Variants in A2ML1 observed in about 807,000 individuals in gnomAD.
A2ML1 encodes the protein alpha-2-macroglobulin-like protein 1.
A neutral mutation model predicts 181.9 loss-of-function variants in A2ML1; 161 were observed. The ratio of observed to expected loss-of-function variants is 0.89; its 90% CI spans 0.78 to 1.01. The LOEUF is 1.01. Among genes scored for constraint, A2ML1 ranks in the 50% least tolerant of loss-of-function variants. A2ML1 has a pLI of 0.00. For missense variants in A2ML1, 1,670 were observed against 1,768.1 expected (o/e 0.94, Z 1.00); for synonymous variants, 663 against 666.8 (o/e 0.99, Z 0.09).
chr12:8,825,133 T>C (rs1942887619), intron 3 of A2ML1, among the ~76,000 whole-genome samples: 1 of 152,202 alleles, frequency 6.6e-6, no homozygotes, highest in African/African-American at 2.4e-5. Context: ...CAGGATTATA[T>C]GGAAGCTCTA....
chr12:8,854,161 T>C lies in A2ML1; in HGVS notation c.2624T>C (p.Leu875Pro), dbSNP rs1291159823. 6.2e-7 allele frequency: 1 copy of C among 1,605,062 alleles called. No individual in the cohort carries two copies. Among genetic ancestry groups the C allele is most frequent in the East Asian group, 2.2e-5 (1 of 44,616 alleles). The change falls in exon 21 of 36, where the codon CTG becomes CCG. Residue 875 changes from leucine (L) to proline (P), a missense_variant. Transcript: ENST00000299698. ...AACTTTACTATTAGTACAAAGATTC[T>C]GGACAGCAATGAACCATGTGGGGGC... ...HINFTISTKI[L>P]DSNEPCGGQK...
In A2ML1 at chr12:8,850,209, A is replaced by G. The variant is rs945839715; in HGVS notation, c.2169A>G (p.Gln723=). Residue 723 remains glutamine, a synonymous_variant, in exon 18 of 36, where the codon CAA becomes CAG. Transcript: ENST00000299698. ...EAFESSTPLH[Q]AEDSQVRQYF... is the part of the protein sequence containing the mutation. ...TTGAGTCATCAACTCCTTTACATCA[A>G]GCAGAGGATTCTCAGGTCCGCCAGT... The G allele has an allele frequency of 6.2e-7, 1 of 1,613,560 alleles. No homozygotes were observed. The highest frequency in any genetic ancestry group is 1.3e-5 in the African/African-American group (1 of 74,982).
intron 4 of A2ML1, among the ~76,000 whole-genome samples, chr12:8,832,608 T>G (rs1226861295): frequency 6.6e-6 from 1 of 152,126 alleles, no homozygotes; most frequent in African/African-American, 2.4e-5. Flanking sequence ...TCAGTTATAA[T>G]TTTGCAAAGG....
intron 3 of A2ML1, among the ~76,000 whole-genome samples, chr12:8,824,787 C>T (rs771368181): frequency 1.4e-4 from 21 of 151,960 alleles, no homozygotes; most frequent in African/African-American, 4.4e-4. Flanking sequence ...TCTATCTCCA[C>T]GACTTCAATT....
At chr12:8,838,514 G>A in intron 9 of A2ML1, 64 bp downstream of exon 9, 1 of 1,303,832 alleles carries the variant, frequency 7.7e-7, no homozygotes, top group South Asian at 1.3e-5. Context: ...CCCAGGGACA[G>A]ATTTACTCCA....
Position 8,835,699 on chromosome 12 carries a change from G to T in A2ML1, c.643+33G>T, listed in dbSNP as rs1489096738. ...GGGAAATGGACAGGCCAAAGTATTGGGCATAATCTCATCTTAAAATCAGCA... is the reference window on the plus strand; with the variant it reads ...GGGAAATGGACAGGCCAAAGTATTGTGCATAATCTCATCTTAAAATCAGCA... On this transcript the variant is annotated intron_variant, in intron 6 of 35. Transcript: ENST00000299698. The T allele has an allele frequency of 6.2e-6, 10 of 1,610,750 alleles. No homozygotes were observed. The East Asian group carries it at 1.8e-4, about 29-fold the overall frequency.
Position 8,868,544 on chromosome 12 carries a change from G to A in A2ML1, c.4069G>A (p.Gly1357Arg), listed in dbSNP as rs1441473451. 1.9e-6 allele frequency: 3 copies of A among 1,613,822 alleles called. No individual in the cohort carries two copies. The highest frequency in any genetic ancestry group is 2.2e-5 in the South Asian group (2 of 91,044). ...LTLTIHTSYV[G>R]SRSSSNMAIV... is the part of the protein sequence containing the mutation. The stretch of plus-strand genomic sequence containing the variant: ...TCTTCTTCCTGCTCTCAGTTATGTG[G>A]GGAGCCGTAGCTCTTCCAATATGGC... The change falls in exon 32 of 36, where the codon GGG becomes AGG. Residue 1357 changes from glycine (G) to arginine (R), a missense_variant. Gly to Arg is a moderately radical substitution (Grantham distance 125, BLOSUM62 -2). Coordinates refer to ENST00000299698, the MANE Select transcript of A2ML1 (RefSeq NM_144670.6).
At chr12:8,884,224 A>ATTTTTTTTTT (rs202171810) in intron 7 of A2ML1, among the ~76,000 whole-genome samples, 1 of 93,762 alleles carries the variant, frequency 1.1e-5, no homozygotes, top group Admixed American at 1.0e-4. Flanking sequence ...TCTTTTTTTT[A>ATTTTTTTTTT]TTTTTTGTTT....
rs750011292 is a variant in A2ML1 at position 8,851,955 on chromosome 12, T to C, written c.2406T>C (p.Arg802=). The change falls in exon 19 of 36, where the codon CGT becomes CGC. Residue 802 remains arginine (R), a synonymous_variant. Coordinates refer to ENST00000299698, the MANE Select transcript of A2ML1 (RefSeq NM_144670.6). ...TGACTCTCCCTTACTCAGTAGTCCG[T>C]GGGGAATCCTTTCGTCTTACTGCCA... The part of the protein sequence containing the change: ...VDLTLPYSVV[R]GESFRLTATI... The C allele has an allele frequency of 5.6e-6, 9 of 1,614,192 alleles. No individual in the cohort carries two copies. Among genetic ancestry groups the C allele is most frequent in the Non-Finnish European group, 7.6e-6 (9 of 1,180,030 alleles).
intron 18 of A2ML1, among the ~76,000 whole-genome samples, chr12:8,851,280 G>T (rs770531251): frequency 6.6e-6 from 1 of 151,814 alleles, no homozygotes; most frequent in African/African-American, 2.4e-5. Context: ...TGCCCACCCC[G>T]ACTCCCCACC....
chr12:8,880,155 G>C (rs1336222860), downstream of A2ML1, among the ~76,000 whole-genome samples: 1 of 152,146 alleles, frequency 6.6e-6, no homozygotes, highest in Non-Finnish European at 1.5e-5. Context: ...CCTGAGATCA[G>C]GAGTTCGAGA....
At chr12:8,850,783 G>A (rs373339343) in intron 18 of A2ML1, among the ~76,000 whole-genome samples, 2 of 152,022 alleles carry the variant, frequency 1.3e-5, no homozygotes, top group East Asian at 1.9e-4. Context: ...TGTCACCCAG[G>A]CTGGAGTGCA....
At chr12:8,840,047 A>G (rs1355059332) in intron 10 of A2ML1, among the ~76,000 whole-genome samples, 2 of 152,098 alleles carry the variant, frequency 1.3e-5, no homozygotes, top group African/African-American at 4.8e-5. Flanking sequence ...GTGCCTGACT[A>G]GCAATTTTCT....
At chr12:8,872,323 T>G (rs1458242783) in intron 33 of A2ML1, among the ~76,000 whole-genome samples, 2 of 152,154 alleles carry the variant, frequency 1.3e-5, no homozygotes, top group Admixed American at 6.5e-5. Flanking sequence ...CTTTATACTC[T>G]TAATTTACTG....
Position 8,874,512 on chromosome 12 carries a change from G to A in A2ML1, c.4309G>A (p.Asp1437Asn), listed in dbSNP as rs1489008035. Residue 1437 changes from aspartate (D) to asparagine (N), a missense_variant, in exon 34 of 36, where the codon GAC becomes AAC. Coordinates refer to ENST00000299698, the MANE Select transcript of A2ML1 (RefSeq NM_144670.6). ...GAAACCAGCAACCATCAAGGTCTAT[G>A]ACTACTACCTACCAGGTGAGAGGGC... Reference protein sequence around the residue: ...NLKPATIKVYDYYLPDEQATI... With the variant: ...NLKPATIKVYNYYLPDEQATI... 2.5e-6 allele frequency: 4 copies of A among 1,613,470 alleles called. No homozygotes were observed. The highest frequency in any genetic ancestry group is 1.3e-5 in the African/African-American group (1 of 74,872).
Position 8,852,842 on chromosome 12 carries a change from C to T in A2ML1, c.2590+506C>T, listed in dbSNP as rs959430558. On this transcript the variant is annotated intron_variant, in intron 20 of 35. Coordinates refer to ENST00000299698, the MANE Select transcript of A2ML1 (RefSeq NM_144670.6). The surrounding 1 kb of genome is among the most constrained non-coding windows in gnomAD (Gnocchi z 4.2). Reference sequence around the variant, plus strand: ...TCCCAAGTAGCTAGGATTACAGTCGCGTGCCACCCTACCCGGCTAATTTTT... The same window carrying T: ...TCCCAAGTAGCTAGGATTACAGTCGTGTGCCACCCTACCCGGCTAATTTTT... Among the ~76,000 whole-genome samples the T allele has an allele frequency of 6.6e-6, 1 of 151,912 alleles. No individual in the cohort carries two copies. Among genetic ancestry groups the T allele is most frequent in the African/African-American group, 2.4e-5 (1 of 41,352 alleles).
chr12:8,874,071 A>AGT (rs1301716603), intron 33 of A2ML1, among the ~76,000 whole-genome samples: 10 of 152,242 alleles, frequency 6.6e-5, no homozygotes, highest in African/African-American at 2.2e-4. Flanking sequence ...GCTGGAGTGC[A>AGT]GTGGCGCCAT....
intron 5 of A2ML1, among the ~76,000 whole-genome samples, chr12:8,835,258 T>C (rs918461602): frequency 2.0e-5 from 3 of 152,218 alleles, no homozygotes; most frequent in Non-Finnish European, 4.4e-5. Context: ...TTTAGAGGGC[T>C]CAGTCTGATC....
intron 12 of A2ML1, chr12:8,845,101 C>T: frequency 2.1e-6 from 3 of 1,447,366 alleles, no homozygotes; most frequent in Non-Finnish European, 9.1e-7. Context: ...TAGATTTTCG[C>T]TGACTTTCTG....
Sources: allele counts gnomAD v4.1 joint callset (sites outside exome capture counted in the v4.1 genomes callset), GRCh38; gene constraint gnomAD v4.1.1; non-coding constraint Gnocchi (gnomAD v3.1); transcripts MANE v1.5; gene names NCBI Gene and HGNC (gene_info 2026-07-23, HGNC 2026-07-21).